The following OCA2 variants were observed in gnomAD, a reference collection of about 807,000 sequenced individuals.
The protein encoded by OCA2 is OCA2 melanosomal transmembrane protein.
OCA2 carries 77 observed loss-of-function variants against 100.2 expected under a neutral mutation model. The ratio of observed to expected loss-of-function variants is 0.77; its 90% CI spans 0.64 to 0.93. The LOEUF is 0.93. Among genes scored for constraint, OCA2 ranks in the 40% least tolerant of loss-of-function variants. The pLI, the probability that OCA2 is intolerant of heterozygous loss-of-function variation, is 0.00. For missense variants in OCA2, 1,062 were observed against 1,089.1 expected (o/e 0.98, Z 0.35); for synonymous variants, 432 against 439.2 (o/e 0.98, Z 0.21).
At chr15:27,999,116 G>A (rs2041847805) in intron 9 of OCA2, among the ~76,000 whole-genome samples, 1 of 151,894 alleles carries the variant, frequency 6.6e-6, no homozygotes, top group African/African-American at 2.4e-5. Context: ...GAGTTAATGG[G>A]TGCAGCACAC....
intron 6 of OCA2, among the ~76,000 whole-genome samples, chr15:28,021,261 C>T (rs750222288): frequency 6.6e-6 from 1 of 152,192 alleles, no homozygotes; most frequent in African/African-American, 2.4e-5. Context: ...CCTTAATGAC[C>T]ATGTCCATTC....
intron 18 of OCA2, among the ~76,000 whole-genome samples, chr15:27,932,330 C>T (rs548221543): frequency 7.2e-5 from 11 of 152,326 alleles, no homozygotes; most frequent in African/African-American, 2.6e-4. Flanking sequence ...AAATGGCAGG[C>T]ATTGTTCAAA....
intron 5 of OCA2, among the ~76,000 whole-genome samples, chr15:28,024,600 G>A (rs901539883): frequency 1.1e-4 from 16 of 152,212 alleles, no homozygotes; most frequent in African/African-American, 3.9e-4. Flanking sequence ...CTTCCATATG[G>A]CAACAACATG....
rs150169088 is a variant in OCA2 at position 27,954,751 on chromosome 15, C to T, written c.1842+407G>A. On this transcript the variant is annotated intron_variant, in intron 17 of 23. Coordinates refer to ENST00000354638, the MANE Select transcript of OCA2 (RefSeq NM_000275.3). ...CTCTGCCCCAGGAAGTCACAGCCAT[C>T]GGCAGCACACTCACGCATCCTATGT... Among the ~76,000 whole-genome samples, 170 of 152,218 alleles carry T rather than the reference C, an allele frequency of 1.1e-3. 2 individuals are homozygous for T. The highest frequency in any genetic ancestry group is 3.8e-3 in the African/African-American group (157 of 41,554).
intron 9 of OCA2, among the ~76,000 whole-genome samples, chr15:28,002,687 G>A (rs1022535276): frequency 2.0e-5 from 3 of 152,126 alleles, no homozygotes; most frequent in South Asian, 2.1e-4. Flanking sequence ...TCCAGGCCAC[G>A]CGGGAGCCTC....
At chr15:27,933,577 G>GT (rs2039340342) in intron 18 of OCA2, among the ~76,000 whole-genome samples, 1 of 152,200 alleles carries the variant, frequency 6.6e-6, no homozygotes, top group South Asian at 2.1e-4. Flanking sequence ...AGCGAAGGGA[G>GT]TTAGGGATGG....
Position 27,871,209 on chromosome 15 carries a change from C to T in OCA2, c.2189G>A (p.Trp730Ter), listed in dbSNP as rs2036558533. The T allele has an allele frequency of 1.2e-6, 2 of 1,613,900 alleles. No homozygotes were observed. The highest frequency in any genetic ancestry group is 1.3e-5 in the African/African-American group (1 of 74,858). ...RLIAAIVLVVWVSALASSLID... is the reference protein window; with the variant it reads ...RLIAAIVLVV ...CAGGGACGACGCCAGGGCTGAGACC[C>T]ACACCACCAGGACAATGGCGGCTAT... The change falls in exon 21 of 24, where the codon TGG becomes TAG. Residue 730 changes from tryptophan to a stop codon, truncating the protein, a stop_gained. Coordinates refer to ENST00000354638, the MANE Select transcript of OCA2 (RefSeq NM_000275.3). LOFTEE classifies it high-confidence loss of function.
At chr15:27,997,410 C>T (rs1281846978) in intron 9 of OCA2, among the ~76,000 whole-genome samples, 1 of 150,640 alleles carries the variant, frequency 6.6e-6, no homozygotes, top group East Asian at 2.0e-4. Context: ...AGCCAGTTTT[C>T]CCAGCACCAT....
the OCA2 span, among the ~76,000 whole-genome samples, chr15:27,732,996 A>G: frequency 1.3e-5 from 2 of 152,210 alleles, no homozygotes. Context: ...TTTGTAACGA[A>G]AAGCAAAAAC....
intron 23 of OCA2, among the ~76,000 whole-genome samples, chr15:27,792,127 C>T (rs558209511): frequency 1.5e-4 from 23 of 152,322 alleles, no homozygotes; most frequent in African/African-American, 4.6e-4. Flanking sequence ...GAGCCAGACA[C>T]CAATACCCAA....
chr15:27,967,532 C>T (rs1224705220), intron 14 of OCA2, among the ~76,000 whole-genome samples: 1 of 152,188 alleles, frequency 6.6e-6, no homozygotes, highest in East Asian at 1.9e-4. Context: ...ATAATATTTG[C>T]CCATTTAAAG....
Position 27,755,080 on chromosome 15 carries a change from CTT to C in OCA2, c.*306_*307del. On this transcript the variant is annotated 3_prime_UTR_variant, in exon 24 of 24. Transcript: ENST00000354638. ...CAGTCAATTTTAGGTGGATGTGTGT[CTT>C]TTCCTATGTATAGCAGGAAGGGTTT... The C allele has an allele frequency of 2.7e-6, 1 of 365,622 alleles. No homozygotes were observed. Among genetic ancestry groups the C allele is most frequent in the South Asian group, 2.3e-5 (1 of 42,558 alleles). The allele number at this position is 365,622 out of a possible 1,614,324, so 22.6% of individuals were successfully genotyped here. A position where few individuals can be genotyped will look rare whatever the true frequency, so the allele number is the denominator to read the frequency against.
At chr15:27,897,203 A>G (rs928096246) in intron 19 of OCA2, among the ~76,000 whole-genome samples, 5 of 151,152 alleles carry the variant, frequency 3.3e-5, no homozygotes, top group Admixed American at 1.3e-4. Flanking sequence ...AAAAAAAAAA[A>G]AGAAATCTTC....
chr15:27,975,430 C>G (rs2040935534), intron 14 of OCA2, among the ~76,000 whole-genome samples: 1 of 152,212 alleles, frequency 6.6e-6, no homozygotes, highest in South Asian at 2.1e-4. Flanking sequence ...TTTACACTTA[C>G]ATCTATGATC....
chr15:27,725,921 C>T, the OCA2 span, among the ~76,000 whole-genome samples: 1 of 152,044 alleles, frequency 6.6e-6, no homozygotes, highest in Non-Finnish European at 1.5e-5. Flanking sequence ...CAGAAGCTGC[C>T]AGCATCTGTC....
In OCA2 at chr15:28,013,973, C is replaced by G. The variant is rs139886692; in HGVS notation, c.1044+803G>C. ...TCAACTTACTGGGGTCATCATTCCTCAGCAAGTGTACTCAACAACCACAAG... is the reference window on the plus strand; with the variant it reads ...TCAACTTACTGGGGTCATCATTCCTGAGCAAGTGTACTCAACAACCACAAG... On this transcript the variant is annotated intron_variant, in intron 9 of 23. Coordinates refer to ENST00000354638, the MANE Select transcript of OCA2 (RefSeq NM_000275.3). Among the ~76,000 whole-genome samples the G allele has an allele frequency of 1.6e-4, 25 of 152,272 alleles. 1 individual carries two copies. Among genetic ancestry groups the G allele is most frequent in the African/African-American group, 6.0e-4 (25 of 41,548 alleles).
At chr15:28,090,457 A>C (rs1241299297) in intron 1 of OCA2, among the ~76,000 whole-genome samples, 2 of 152,208 alleles carry the variant, frequency 1.3e-5, no homozygotes, top group African/African-American at 4.8e-5. Flanking sequence ...ACCATAAACC[A>C]AACCTCAACA....
chr15:27,771,088 T>C (rs1420190318), intron 23 of OCA2, among the ~76,000 whole-genome samples: 8 of 78,838 alleles, frequency 1.0e-4, no homozygotes, highest in African/African-American at 2.7e-4. Context: ...CCCTCCCTCT[T>C]TTCTCCCTCC....
At chr15:27,986,876 G>A (rs2041372433) in intron 11 of OCA2, among the ~76,000 whole-genome samples, 1 of 152,306 alleles carries the variant, frequency 6.6e-6, no homozygotes, top group Non-Finnish European at 1.5e-5. Flanking sequence ...CCAGGGATTT[G>A]TCCTCAAGGC....
Sources: gnomAD v4.1 joint callset for allele counts (sites outside exome capture counted in the v4.1 genomes callset) on GRCh38, gnomAD v4.1.1 for gene constraint, MANE v1.5 for transcripts, NCBI Gene and HGNC (gene_info 2026-07-23, HGNC 2026-07-21) for gene names.